The following NALF1 variants were observed in gnomAD, a reference collection of about 807,000 sequenced individuals.
NALF1 encodes NALCN channel auxiliary factor 1, also known as family with sequence similarity 155 member A.
NALF1 carries 3 observed loss-of-function variants against 48.4 expected under a neutral mutation model. That is an observed-to-expected ratio of 0.06 (90% CI 0.03 to 0.16). NALF1 has a LOEUF of 0.16. NALF1 is among the 10% of genes least tolerant of loss of function. NALF1 has a pLI of 1.00. For synonymous variants in NALF1, 262 were observed against 245.7 expected, an observed-to-expected ratio of 1.07 and a Z score of -0.62; for missense variants, 526 against 571.5, an observed-to-expected ratio of 0.92 and a Z score of 0.81.
intron 1 of NALF1, among the ~76,000 whole-genome samples, chr13:107,308,856 G>GT (rs1264353706): frequency 1.3e-5 from 2 of 152,322 alleles, no homozygotes; most frequent in Non-Finnish European, 2.9e-5. Flanking sequence ...CCTATAGGTT[G>GT]TTTTTCTCAA....
chr13:107,833,635 T>C (rs145790218), intron 1 of NALF1, among the ~76,000 whole-genome samples: 89 of 152,254 alleles, frequency 5.8e-4, no homozygotes, highest in African/African-American at 1.9e-3. Context: ...AAAAACAAGA[T>C]ACTTGACATA....
chr13:107,576,573 A>G (rs1462364694), intron 1 of NALF1, among the ~76,000 whole-genome samples: 2 of 152,186 alleles, frequency 1.3e-5, no homozygotes, highest in Non-Finnish European at 2.9e-5. Flanking sequence ...CAGTAAGACT[A>G]CATACAGAGT....
intron 1 of NALF1, among the ~76,000 whole-genome samples, chr13:107,306,744 G>A (rs990638378): frequency 1.3e-5 from 2 of 152,140 alleles, no homozygotes; most frequent in Admixed American, 6.6e-5. Context: ...GAAGTGGATC[G>A]CTTGAGCCCA....
At chr13:107,513,411 A>G (rs1054668553) in intron 1 of NALF1, among the ~76,000 whole-genome samples, 1 of 151,880 alleles carries the variant, frequency 6.6e-6, no homozygotes, top group African/African-American at 2.4e-5. Context: ...CATTCCAAGT[A>G]CTCAGCAAGT....
At chr13:107,184,542 T>C (rs1327526461) in intron 2 of NALF1, among the ~76,000 whole-genome samples, 1 of 152,240 alleles carries the variant, frequency 6.6e-6, no homozygotes, top group Middle Eastern at 3.2e-3. Context: ...ACTGTATGTG[T>C]ATAACATATT....
intron 1 of NALF1, among the ~76,000 whole-genome samples, chr13:107,266,015 A>G (rs371786656): frequency 6.6e-5 from 10 of 152,306 alleles, no homozygotes; most frequent in African/African-American, 1.9e-4. Context: ...AAAATAGTAT[A>G]AAGTGTTATA....
intron 1 of NALF1, among the ~76,000 whole-genome samples, chr13:107,610,244 CTGTT>C (rs71797405): frequency 0.042 from 6,355 of 152,258 alleles, 341 homozygotes; most frequent in East Asian, 0.26. Context: ...TATGACCTAT[CTGTT>C]CTCCTTGCAA....
intron 1 of NALF1, among the ~76,000 whole-genome samples, chr13:107,755,655 C>G (rs1877074740): frequency 6.6e-6 from 1 of 151,622 alleles, no homozygotes; most frequent in African/African-American, 2.4e-5. Context: ...ATAGACAAAA[C>G]AGTCAGAGCT....
intron 1 of NALF1, among the ~76,000 whole-genome samples, chr13:107,782,746 C>A (rs1400910066): frequency 6.7e-6 from 1 of 150,070 alleles, no homozygotes; most frequent in Non-Finnish European, 1.5e-5. Flanking sequence ...CCGGTCGCGA[C>A]CCCGTCTGGG....
intron 1 of NALF1, among the ~76,000 whole-genome samples, chr13:107,693,729 A>C (rs750823162): frequency 1.3e-5 from 2 of 152,084 alleles, no homozygotes; most frequent in Non-Finnish European, 2.9e-5. Context: ...GGACCATATG[A>C]ATCGAATATA....
intron 1 of NALF1, among the ~76,000 whole-genome samples, chr13:107,851,341 GT>G (rs34705065): frequency 0.07 from 10,112 of 143,456 alleles, 436 homozygotes; most frequent in East Asian, 0.25. Context: ...CAGATGAACA[GT>G]TTTTTTTTTT....
At chr13:107,564,378 C>A (rs1259967244) in intron 1 of NALF1, among the ~76,000 whole-genome samples, 1 of 152,166 alleles carries the variant, frequency 6.6e-6, no homozygotes, top group East Asian at 1.9e-4. Flanking sequence ...AGTTGCCAGT[C>A]ATTCTTCCAA....
chr13:107,194,441 T>C (rs1879350841), intron 2 of NALF1, among the ~76,000 whole-genome samples: 1 of 152,286 alleles, frequency 6.6e-6, no homozygotes, highest in African/African-American at 2.4e-5. Context: ...CAACTGATCT[T>C]TGACAAAGCA....
chr13:107,259,079 T>C (rs1880877948), intron 1 of NALF1, among the ~76,000 whole-genome samples: 1 of 152,126 alleles, frequency 6.6e-6, no homozygotes, highest in Non-Finnish European at 1.5e-5. Context: ...CGATTACATC[T>C]CCCCTGAACT....
chr13:107,407,431 T>C (rs892755218), intron 1 of NALF1, among the ~76,000 whole-genome samples: 3 of 152,034 alleles, frequency 2.0e-5, no homozygotes, highest in African/African-American at 7.2e-5. Flanking sequence ...AATAATCTGA[T>C]TTTAAAACGG....
intron 1 of NALF1, among the ~76,000 whole-genome samples, chr13:107,489,479 T>C (rs1443847044): frequency 6.6e-6 from 1 of 151,486 alleles, no homozygotes; most frequent in Non-Finnish European, 1.5e-5. Context: ...GACCTCACAC[T>C]ATCTGGTCTC....
intron 1 of NALF1, among the ~76,000 whole-genome samples, chr13:107,614,756 C>T (rs1314488475): frequency 1.3e-5 from 2 of 150,714 alleles, no homozygotes; most frequent in East Asian, 3.9e-4. Context: ...TCCTGCATCT[C>T]TTTTTTTCTT....
intron 1 of NALF1, among the ~76,000 whole-genome samples, chr13:107,845,619 CAT>C (rs1880151243): frequency 6.6e-6 from 1 of 152,148 alleles, no homozygotes; most frequent in Non-Finnish European, 1.5e-5. Context: ...CTCATGAAAC[CAT>C]AGTCATATAG....
chr13:107,408,119 C>G (rs1488492053), intron 1 of NALF1, among the ~76,000 whole-genome samples: 1 of 151,740 alleles, frequency 6.6e-6, no homozygotes, highest in Non-Finnish European at 1.5e-5. Context: ...GGAATGATAG[C>G]CTGGGAGTGC....
Sources: gnomAD v4.1 joint callset for allele counts (sites outside exome capture counted in the v4.1 genomes callset) on GRCh38, gnomAD v4.1.1 for gene constraint, MANE v1.5 for transcripts, NCBI Gene and HGNC (gene_info 2026-07-23, HGNC 2026-07-21) for gene names.